Variants in TEX9 observed in about 807,000 individuals in gnomAD.
The protein encoded by TEX9 is testis-expressed protein 9.
Under a neutral mutation model 59.6 loss-of-function variants are expected in TEX9, and 74 were observed. The ratio of observed to expected loss-of-function variants is 1.24; its 90% CI spans 1.03 to 1.51. The LOEUF (loss-of-function observed/expected upper bound fraction) is 1.51, where lower values mean the gene tolerates loss of function less well. TEX9 is among the 40% of genes most tolerant of loss of function. The pLI is 0.00. For missense variants in TEX9, 522 were observed against 447.8 expected, an observed-to-expected ratio of 1.17 and a Z score of -1.49; for synonymous variants, 186 against 152.2, an observed-to-expected ratio of 1.22 and a Z score of -1.64.
intron 6 of TEX9, 63 bp from the exon 7 acceptor site, chr15:56,391,180 C>T: frequency 9.0e-7 from 1 of 1,115,404 alleles, no homozygotes; most frequent in South Asian, 3.0e-5. Flanking sequence ...ATCCTGTCTA[C>T]CTTTCCTATT....
chr15:56,333,136 TAGA>T (rs1204985975), intron 1 of TEX9, among the ~76,000 whole-genome samples: 1 of 151,640 alleles, frequency 6.6e-6, no homozygotes, highest in African/African-American at 2.4e-5. Context: ...TTCTGAAAAA[TAGA>T]GGAGAGAATA....
chr15:56,359,830 A>G (rs2046759023), intron 1 of TEX9, among the ~76,000 whole-genome samples: 1 of 152,038 alleles, frequency 6.6e-6, no homozygotes, highest in South Asian at 2.1e-4. Context: ...GTTGTTCCTG[A>G]TCTTAGGGAG....
intron 10 of TEX9, among the ~76,000 whole-genome samples, chr15:56,413,280 ATAATTTAATAATAAATTATT>A (rs1435718837): frequency 0.012 from 10 of 836 alleles, no homozygotes; most frequent in East Asian, 0.1. Flanking sequence ...TAATAATTAA[ATAATTTAATAATAAATTATT>A]TAATTTAATA....
intron 1 of TEX9, among the ~76,000 whole-genome samples, chr15:56,250,688 A>C (rs2141293860): frequency 6.6e-6 from 1 of 152,270 alleles, no homozygotes; most frequent in East Asian, 1.9e-4. Flanking sequence ...CAAGTCTGAA[A>C]TCTGTAGGGA....
At chr15:56,434,174 A>G in intron 12 of TEX9, 1 of 1,613,588 alleles carries the variant, frequency 6.2e-7, no homozygotes, top group Non-Finnish European at 8.5e-7. Context: ...GCTCTTCAAT[A>G]AGTTTTTCCA....
intron 1 of TEX9, chr15:56,323,095 G>A (rs2045939624): frequency 4.9e-6 from 1 of 204,670 alleles, no homozygotes; most frequent in Admixed American, 4.4e-5. Context: ...CTGCCTCATT[G>A]AGAAAAAATA....
At chr15:56,300,685 C>CAGAGAGAGAGAG (rs71110380) in intron 1 of TEX9, among the ~76,000 whole-genome samples, 2,520 of 114,648 alleles carry the variant, frequency 0.022, 84 homozygotes, top group Admixed American at 0.036. Context: ...AGCAACTCAG[C>CAGAGAGAGAGAG]AGAGAGAGAG....
rs1371520433 is a variant in TEX9 at position 56,256,326 on chromosome 15, A to T, written c.-107+12048A>T. On this transcript the variant is annotated intron_variant, in intron 1 of 5. Coordinates refer to the TEX9 transcript ENST00000560827. ...TGACAGTGTTGGGATATGAACCTAG[A>T]TAGCATGATTCAGAGCTAGTGTATT... is the stretch of plus-strand genomic sequence containing the variant. Among the ~76,000 whole-genome samples, 3 of 152,226 alleles carry T rather than the reference A, an allele frequency of 2.0e-5. No individual in the cohort carries two copies. The East Asian group carries it at 5.8e-4, about 29-fold the overall frequency.
chr15:56,412,353 G>A (rs145129004), exon 10 of TEX9: 1 of 1,613,408 alleles, frequency 6.2e-7, no homozygotes, highest in African/African-American at 1.3e-5. Context: ...TAGTCAAAGT[G>A]CCACAGAGGT....
At chr15:56,389,438 T>G in intron 6 of TEX9, 38 bp downstream of exon 6, 1 of 1,447,672 alleles carries the variant, frequency 6.9e-7, no homozygotes, top group African/African-American at 1.4e-5. Context: ...TTTTTTTTAG[T>G]TTTGTAATTC....
At chr15:56,286,086 T>C (rs559879640) in intron 1 of TEX9, among the ~76,000 whole-genome samples, 3 of 152,320 alleles carry the variant, frequency 2.0e-5, no homozygotes, top group African/African-American at 7.2e-5. Context: ...GTCTGGAAAC[T>C]ATTTTGAGAT....
chr15:56,383,840 T>C (rs934761345), intron 3 of TEX9, 112 bp from the exon 4 acceptor site: 7 of 715,190 alleles, frequency 9.8e-6, no homozygotes, highest in African/African-American at 7.2e-5. Context: ...CTTTATGTTA[T>C]GGAAACCTTG....
intron 1 of TEX9, among the ~76,000 whole-genome samples, chr15:56,325,080 A>G (rs1420114078): frequency 6.6e-6 from 1 of 152,230 alleles, no homozygotes; most frequent in Non-Finnish European, 1.5e-5. Context: ...TGTGTAAGAC[A>G]GCCTGCTTTA....
intron 1 of TEX9, among the ~76,000 whole-genome samples, chr15:56,332,393 C>A (rs1296699479): frequency 6.7e-6 from 1 of 150,118 alleles, no homozygotes; most frequent in African/African-American, 2.5e-5. Context: ...ACCGCATATT[C>A]TCACCCATAG....
chr15:56,250,650 G>A (rs73411529), intron 1 of TEX9, among the ~76,000 whole-genome samples: 4,136 of 152,172 alleles, frequency 0.027, 182 homozygotes, highest in African/African-American at 0.095. Context: ...TATTTTAAAG[G>A]AATTGGCTTA....
intron 1 of TEX9, among the ~76,000 whole-genome samples, chr15:56,254,913 T>C (rs1214197542): frequency 6.6e-6 from 1 of 151,894 alleles, no homozygotes; most frequent in African/African-American, 2.4e-5. Context: ...ACTCAGGACA[T>C]ATGTATCACC....
At chr15:56,261,270 C>A (rs73411536) in intron 1 of TEX9, among the ~76,000 whole-genome samples, 9,409 of 151,606 alleles carry the variant, frequency 0.062, 997 homozygotes, top group African/African-American at 0.22. Flanking sequence ...TGTTCTTTTT[C>A]TAACTTCTTG....
At chr15:56,348,577 T>C (rs2046517074) in intron 1 of TEX9, among the ~76,000 whole-genome samples, 2 of 152,176 alleles carry the variant, frequency 1.3e-5, no homozygotes, top group African/African-American at 4.8e-5. Context: ...TCTGCTCACT[T>C]CTATTATTTC....
chr15:56,441,932 A>C (rs1223668857), intron 12 of TEX9, among the ~76,000 whole-genome samples: 1 of 152,130 alleles, frequency 6.6e-6, no homozygotes, highest in Non-Finnish European at 1.5e-5. Context: ...AGGCAGGAGA[A>C]TGGCGTGAAC....
Sources: allele counts gnomAD v4.1 joint callset (sites outside exome capture counted in the v4.1 genomes callset), GRCh38; gene constraint gnomAD v4.1.1; transcripts MANE v1.5; gene names NCBI Gene and HGNC (gene_info 2026-07-23, HGNC 2026-07-21).